Variants in LMNB2 observed in about 807,000 individuals in gnomAD.
LMNB2 encodes lamin B2, also known as lamin-B2.
A neutral mutation model predicts 69.3 loss-of-function variants in LMNB2; 17 were observed. That is an observed-to-expected ratio of 0.25 (90% confidence interval 0.17 to 0.37). The LOEUF is 0.37. Ranked by LOEUF, LMNB2 falls within the 10% of genes least tolerant of loss-of-function variation. The probability of loss-of-function intolerance (pLI) is 1.00; values close to 1 mark genes in which losing one functional copy is unlikely to be tolerated. For synonymous variants in LMNB2, 397 were observed against 389.3 expected (o/e 1.02, Z -0.23); for missense variants, 789 against 883.6 (o/e 0.89, Z 1.36).
intron 1 of LMNB2, among the ~76,000 whole-genome samples, chr19:2,449,035 C>T (rs1325538886): frequency 6.6e-6 from 1 of 152,142 alleles, no homozygotes; most frequent in Non-Finnish European, 1.5e-5. Flanking sequence ...ACTATAGGCA[C>T]ACATACTACT....
chr19:2,446,376 C>T (rs1971955885), intron 1 of LMNB2, among the ~76,000 whole-genome samples: 1 of 151,992 alleles, frequency 6.6e-6, no homozygotes, highest in South Asian at 2.1e-4. Context: ...CGCAAAGCCC[C>T]CAAACCCGCC....
rs142439833 is a variant in LMNB2, at chr19:2,430,909, G to T, written c.*2C>A. On this transcript the variant is annotated 3_prime_UTR_variant, in exon 12 of 12. Coordinates refer to ENST00000325327, the MANE Select transcript of LMNB2 (RefSeq NM_032737.4). ...AAAGGTGTGTGGATGAGGAGTGTGG[G>T]TTCACATCACGTAGCAGCCTCTTGA... The T allele has an allele frequency of 9.1e-5, 144 of 1,586,762 alleles. No homozygotes were observed. Among genetic ancestry groups the T allele is most frequent in the Non-Finnish European group, 1.2e-4 (136 of 1,155,184 alleles).
At chr19:2,452,044 C>T (rs565441676) in intron 1 of LMNB2, among the ~76,000 whole-genome samples, 5 of 152,252 alleles carry the variant, frequency 3.3e-5, no homozygotes, top group African/African-American at 9.6e-5. Context: ...GGCCACAGCG[C>T]GGCCTCCCTG....
intron 1 of LMNB2, among the ~76,000 whole-genome samples, chr19:2,450,961 C>G (rs574025687): frequency 2.6e-5 from 4 of 151,542 alleles, no homozygotes; most frequent in South Asian, 2.1e-4. Flanking sequence ...CTAGGGGTAG[C>G]CAGGAGAGGT....
intron 2 of LMNB2, among the ~76,000 whole-genome samples, chr19:2,439,234 C>A (rs990143429): frequency 1.3e-5 from 2 of 151,844 alleles, no homozygotes; most frequent in African/African-American, 2.4e-5. Flanking sequence ...CTGAATTTTA[C>A]CCCCTCCCGA....
intron 1 of LMNB2, among the ~76,000 whole-genome samples, chr19:2,451,888 C>T (rs577074217): frequency 2.0e-4 from 30 of 152,164 alleles, no homozygotes; most frequent in African/African-American, 6.7e-4. Context: ...GGGCCGCCTC[C>T]GAGACCCCCT....
At chr19:2,439,882 C>T (rs899414552) in intron 2 of LMNB2, among the ~76,000 whole-genome samples, 3 of 151,594 alleles carry the variant, frequency 2.0e-5, no homozygotes, top group Non-Finnish European at 2.9e-5. Context: ...TACAGGCATG[C>T]GCCACCAGCG....
chr19:2,431,459 T>A (rs142702593), intron 11 of LMNB2, 89 bp downstream of exon 11: 1 of 1,567,560 alleles, frequency 6.4e-7, no homozygotes, highest in Non-Finnish European at 8.8e-7. Context: ...CCGTCGGGGA[T>A]GCGGCCAGCA....
chr19:2,434,768 G>T lies in LMNB2; in HGVS notation c.981+20C>A, dbSNP rs755258594. 6.3e-7 allele frequency: 1 copy of T among 1,595,476 alleles called. No homozygotes were observed. Among genetic ancestry groups the T allele is most frequent in the South Asian group, 1.1e-5 (1 of 89,150 alleles). On this transcript the variant is annotated intron_variant, in intron 6 of 11. Transcript: ENST00000325327. Reference sequence around the variant, plus strand: ...AAGTTGGGCCAGGGGGACGGCAGACGGTGGCGCTGTGCTCATCACCTGCTT... The same window carrying T: ...AAGTTGGGCCAGGGGGACGGCAGACTGTGGCGCTGTGCTCATCACCTGCTT...
chr19:2,439,583 G>A (rs1391632950), intron 2 of LMNB2, among the ~76,000 whole-genome samples: 2 of 152,162 alleles, frequency 1.3e-5, no homozygotes, highest in African/African-American at 4.8e-5. Context: ...CCAGGATGGG[G>A]ACAACTGGGT....
rs569566317 is a variant in LMNB2 at position 2,447,450 on chromosome 19, G to A, written c.265-2910C>T. ...GGGGAGTGACCGCTGAGGGGGACAGGCTTCTTTTAGTGGGGATGAACGTTC... is the reference window on the plus strand; with the variant it reads ...GGGGAGTGACCGCTGAGGGGGACAGACTTCTTTTAGTGGGGATGAACGTTC... On this transcript the variant is annotated intron_variant, in intron 1 of 11. Transcript: ENST00000325327. This position sits in a 1 kb window ranked among gnomAD's most constrained non-coding sequence, Gnocchi z 4.4. Among the ~76,000 whole-genome samples, 27 of 152,312 alleles carry A rather than the reference G, an allele frequency of 1.8e-4. No homozygotes were observed. The highest frequency in any genetic ancestry group is 6.5e-4 in the African/African-American group (27 of 41,566).
intron 1 of LMNB2, 76 bp downstream of exon 1, chr19:2,456,594 C>T: frequency 2.3e-6 from 3 of 1,311,062 alleles, no homozygotes; most frequent in Non-Finnish European, 2.9e-6. Flanking sequence ...GCCCAGGGTC[C>T]CCGCGATCGC....
intron 1 of LMNB2, among the ~76,000 whole-genome samples, chr19:2,456,363 CG>C (rs1972088572): frequency 6.7e-6 from 1 of 149,048 alleles, no homozygotes; most frequent in Non-Finnish European, 1.5e-5. Context: ...ACGCACCCCG[CG>C]GTGGGCGGGG....
rs183700524 is a variant in LMNB2, at chr19:2,430,640, G to C, written c.*271C>G. The C allele has an allele frequency of 3.7e-5, 20 of 545,112 alleles. No homozygotes were observed. In the East Asian group the frequency reaches 6.3e-4, roughly 17 times the overall value. 33.8% of individuals were successfully genotyped at this position (545,112 alleles called of 1,614,324 possible). A position where few individuals can be genotyped will look rare whatever the true frequency, so the allele number is the denominator to read the frequency against. On this transcript the variant is annotated 3_prime_UTR_variant, in exon 12 of 12. Transcript: ENST00000325327. The stretch of plus-strand genomic sequence containing the variant: ...AAGCCCAAGCATCTTCTAAACCTCC[G>C]GGTCCTGGCCCTGGGCTTCCAATTT...
At chr19:2,444,575 A>G (rs763504802) in intron 1 of LMNB2, 35 bp from the exon 2 acceptor site, 2 of 1,602,534 alleles carry the variant, frequency 1.2e-6, no homozygotes, top group East Asian at 2.2e-5. Context: ...AGCGAGAGGG[A>G]CCCTTCCCCT....
At chr19:2,456,620 C>T in intron 1 of LMNB2, 50 bp downstream of exon 1, 2 of 1,404,272 alleles carry the variant, frequency 1.4e-6, no homozygotes, top group African/African-American at 1.5e-5. Flanking sequence ...CCGCGGTGGG[C>T]GGGGCCTGCC....
At chr19:2,438,641 A>G (rs1599335123) in intron 2 of LMNB2, 110 bp from the exon 3 acceptor site, 1 of 1,351,860 alleles carries the variant, frequency 7.4e-7, no homozygotes, top group South Asian at 1.4e-5. Flanking sequence ...GAGGCCTCCG[A>G]GCCCCAGACC....
chr19:2,449,164 T>A (rs1226018645), intron 1 of LMNB2, among the ~76,000 whole-genome samples: 1 of 152,230 alleles, frequency 6.6e-6, no homozygotes, highest in Non-Finnish European at 1.5e-5. Flanking sequence ...CCCAAAGTAC[T>A]GGGATTATAG....
rs749545201 is a variant in LMNB2 at position 2,456,815 on chromosome 19, C to A, written c.119G>T (p.Arg40Leu). 8.2e-6 allele frequency: 12 copies of A among 1,467,812 alleles called. No homozygotes were observed. The highest frequency in any genetic ancestry group is 1.1e-5 in the Non-Finnish European group (12 of 1,102,106). The allele number at this position is 1,467,812 out of a possible 1,614,324, so 90.9% of individuals were successfully genotyped here. ...CTCCTTCTCCTGCAGCCGCGACAGG[C>A]GCGTGGGCGACAGCGGCGTGGCGGG... ...GGPATPLSPTRLSRLQEKEEL... is the reference protein window; with the variant it reads ...GGPATPLSPTLLSRLQEKEEL... The change falls in exon 1 of 12, where the codon CGC (arginine) becomes CTC (leucine). Residue 40 changes from arginine to leucine, a missense_variant. Arg to Leu is a moderately radical substitution (Grantham distance 102, BLOSUM62 -2). Coordinates refer to ENST00000325327, the MANE Select transcript of LMNB2 (RefSeq NM_032737.4).
Sources: allele counts gnomAD v4.1 joint callset (sites outside exome capture counted in the v4.1 genomes callset), GRCh38; gene constraint gnomAD v4.1.1; non-coding constraint Gnocchi (gnomAD v3.1); transcripts MANE v1.5; gene names NCBI Gene and HGNC (gene_info 2026-07-23, HGNC 2026-07-21).